The following SREK1IP1 variants were observed in gnomAD, a reference collection of about 807,000 sequenced individuals.
SREK1IP1 encodes the protein protein SREK1IP1.
Under a neutral mutation model 22.8 loss-of-function variants are expected in SREK1IP1, and 12 were observed. The ratio of observed to expected loss-of-function variants is 0.53; its 90% CI spans 0.34 to 0.85. The LOEUF (loss-of-function observed/expected upper bound fraction) is 0.85. SREK1IP1 is among the 40% of genes least tolerant of loss of function. The probability of loss-of-function intolerance (pLI) is 0.02; values close to 1 mark genes in which losing one functional copy is unlikely to be tolerated. For synonymous variants in SREK1IP1, 53 were observed against 52.7 expected (o/e 1.01, Z -0.02); for missense variants, 147 against 171.8 (o/e 0.86, Z 0.81).
At chr5:64,728,676 T>A (rs1359319257) in intron 3 of SREK1IP1, among the ~76,000 whole-genome samples, 1 of 152,226 alleles carries the variant, frequency 6.6e-6, no homozygotes, top group East Asian at 1.9e-4. Flanking sequence ...TCCAAGTATT[T>A]TTTGCCTTTG....
intron 2 of SREK1IP1, among the ~76,000 whole-genome samples, chr5:64,747,988 G>C (rs564277056): frequency 2.0e-5 from 3 of 152,202 alleles, no homozygotes; most frequent in Non-Finnish European, 4.4e-5. Context: ...TAGTAATTCT[G>C]CTCCTATGTA....
intron 2 of SREK1IP1, among the ~76,000 whole-genome samples, chr5:64,752,839 GAGA>G (rs1742773603): frequency 6.6e-6 from 1 of 152,150 alleles, no homozygotes; most frequent in South Asian, 2.1e-4. Context: ...CTTGTAAATT[GAGA>G]AGACCTTCAT....
At position 64,721,464 on chromosome 5, in the gene SREK1IP1, T is replaced by A. The variant is rs986886139; in HGVS notation, c.*2920A>T. 1 of 146,056 alleles carries A rather than the reference T, an allele frequency of 6.8e-6. No individual in the cohort carries two copies. The highest frequency in any genetic ancestry group is 1.6e-5 in the Non-Finnish European group (1 of 64,092). 9.0% of individuals were successfully genotyped at this position (146,056 alleles called of 1,614,324 possible). A position where few individuals can be genotyped will look rare whatever the true frequency, so the allele number is the denominator to read the frequency against. ...TACAAACACATATAGTTGTTTTACT[T>A]CTCATTTATTGTTGTTTTGACCTCA... On this transcript the variant is annotated 3_prime_UTR_variant, in exon 5 of 5. Transcript: ENST00000513458.
At chr5:64,758,331 G>A (rs569889147) in intron 1 of SREK1IP1, among the ~76,000 whole-genome samples, 1 of 152,112 alleles carries the variant, frequency 6.6e-6, no homozygotes, top group Non-Finnish European at 1.5e-5. Flanking sequence ...ACCACACCCG[G>A]CTAATTTTTG....
At chr5:64,744,034 A>C (rs561446371) in intron 2 of SREK1IP1, among the ~76,000 whole-genome samples, 4 of 152,176 alleles carry the variant, frequency 2.6e-5, no homozygotes, top group Non-Finnish European at 5.9e-5. Flanking sequence ...GCAGCTTCCA[A>C]TAAGATCTCA....
intron 3 of SREK1IP1, among the ~76,000 whole-genome samples, chr5:64,737,785 T>C (rs180905423): frequency 1.3e-5 from 2 of 152,188 alleles, no homozygotes; most frequent in African/African-American, 2.4e-5. Flanking sequence ...TATATAACTA[T>C]ATAAGAGAAT....
intron 1 of SREK1IP1, among the ~76,000 whole-genome samples, chr5:64,756,644 AAG>A (rs1197031207): frequency 6.6e-6 from 1 of 150,932 alleles, no homozygotes; most frequent in African/African-American, 2.4e-5. Flanking sequence ...TTTTTTTTTT[AAG>A]AGAGAGTCTC....
chr5:64,741,234 A>G, intron 2 of SREK1IP1, 34 bp from the exon 3 acceptor site: 1 of 1,583,768 alleles, frequency 6.3e-7, no homozygotes, highest in Non-Finnish European at 8.6e-7. Context: ...TGTGAGTGAT[A>G]AAACTATAGA....
At chr5:64,751,607 G>A (rs1259209540) in intron 2 of SREK1IP1, among the ~76,000 whole-genome samples, 2 of 152,216 alleles carry the variant, frequency 1.3e-5, no homozygotes, top group African/African-American at 2.4e-5. Context: ...ATTGTAGGAC[G>A]TTTATAATCT....
intron 2 of SREK1IP1, among the ~76,000 whole-genome samples, chr5:64,750,657 CCCTA>C (rs1378110909): frequency 2.0e-5 from 3 of 152,272 alleles, no homozygotes; most frequent in Admixed American, 6.5e-5. Context: ...TACTCAAACT[CCCTA>C]CCTAAGGAGG....
At chr5:64,766,883 ATC>A (rs1743040922) in intron 1 of SREK1IP1, among the ~76,000 whole-genome samples, 1 of 152,256 alleles carries the variant, frequency 6.6e-6, no homozygotes, top group Admixed American at 6.5e-5. Flanking sequence ...TTGATATAGT[ATC>A]TGACATATTT....
chr5:64,742,022 G>C (rs1202123816), intron 2 of SREK1IP1, among the ~76,000 whole-genome samples: 2 of 149,528 alleles, frequency 1.3e-5, no homozygotes, highest in African/African-American at 4.9e-5. Context: ...CAACTGCACT[G>C]AAGTTGGTCT....
intron 2 of SREK1IP1, among the ~76,000 whole-genome samples, chr5:64,748,287 G>A (rs1488525462): frequency 1.3e-5 from 2 of 151,856 alleles, no homozygotes; most frequent in African/African-American, 4.8e-5. Flanking sequence ...GAAATATCTA[G>A]AATAGGCAAA....
At chr5:64,737,106 T>C (rs1167989444) in intron 3 of SREK1IP1, among the ~76,000 whole-genome samples, 3 of 152,100 alleles carry the variant, frequency 2.0e-5, no homozygotes, top group African/African-American at 7.2e-5. Context: ...AAACAAAATA[T>C]ACAGAATATG....
rs1220560465 is a variant in SREK1IP1 at position 64,725,849 on chromosome 5, TTTTG to T, written c.279-1280_279-1277del. ...AGCTTTTTGGTCCTGAAGTTTTTTT[TTTTG>T]TTTGTTTCTTTTTTTTTTTTTTTTT... On this transcript the variant is annotated intron_variant, in intron 4 of 4. Transcript: ENST00000513458. Among the ~76,000 whole-genome samples, 428 of 148,726 alleles carry T rather than the reference TTTTG, an allele frequency of 2.9e-3. 3 individuals are homozygous for T. The highest frequency in any genetic ancestry group is 7.2e-3 in the African/African-American group (288 of 39,820).
In SREK1IP1 at chr5:64,768,623, AG is replaced by A. The variant is rs1561395508; in HGVS notation, c.-107del. ...GTCAAAGCGGCGTTTTCCTTCCCCC[AG>A]CGCAGCAGCACCCTCGCTACGGTCG... On this transcript the variant is annotated 5_prime_UTR_variant, in exon 1 of 5. Coordinates refer to ENST00000513458, the MANE Select transcript of SREK1IP1 (RefSeq NM_173829.4). The A allele has an allele frequency of 6.7e-7, 1 of 1,492,966 alleles. No individual in the cohort carries two copies. The highest frequency in any genetic ancestry group is 9.2e-7 in the Non-Finnish European group (1 of 1,082,358). 92.5% of individuals were successfully genotyped at this position (1,492,966 alleles called of 1,614,324 possible). A position where few individuals can be genotyped will look rare whatever the true frequency, so the allele number is the denominator to read the frequency against.
chr5:64,749,437 C>CT (rs397729423), intron 2 of SREK1IP1, among the ~76,000 whole-genome samples: 7,465 of 145,864 alleles, frequency 0.051, 517 homozygotes, highest in African/African-American at 0.16. Flanking sequence ...TTCTTGAAGT[C>CT]TTTTTTTTTT....
chr5:64,731,164 A>T (rs1056371430), intron 3 of SREK1IP1, among the ~76,000 whole-genome samples: 2 of 152,168 alleles, frequency 1.3e-5, no homozygotes, highest in African/African-American at 4.8e-5. Flanking sequence ...GATCATTTTC[A>T]ATGATAAGGT....
Position 64,743,448 on chromosome 5 carries a change from G to A in SREK1IP1, c.62-2248C>T, listed in dbSNP as rs573704457. On this transcript the variant is annotated intron_variant, in intron 2 of 4. Transcript: ENST00000513458. ...GACACACTTCTCAGAATGTATCCCT[G>A]TTGTTAAACAACACAACCATATATT... 4.6e-5 allele frequency among the ~76,000 whole-genome samples: 7 copies of A among 152,242 alleles called. No homozygotes were observed. In the East Asian group the frequency reaches 1.2e-3, roughly 25 times the overall value.
Sources: gnomAD v4.1 joint callset for allele counts (sites outside exome capture counted in the v4.1 genomes callset) on GRCh38, gnomAD v4.1.1 for gene constraint, MANE v1.5 for transcripts, NCBI Gene and HGNC (gene_info 2026-07-23, HGNC 2026-07-21) for gene names.